ARHGEF26: variants seen among roughly 807,000 people sequenced by gnomAD.
The protein encoded by ARHGEF26 is Rho guanine nucleotide exchange factor 26, also known as Rho guanine nucleotide exchange factor (GEF) 26.
Under a neutral mutation model 89.4 loss-of-function variants are expected in ARHGEF26, and 59 were observed. That is an observed-to-expected ratio of 0.66 (90% confidence interval 0.54 to 0.82). ARHGEF26 has a LOEUF of 0.82. ARHGEF26 is among the 40% of genes least tolerant of loss of function. ARHGEF26 has a pLI of 0.00. For missense variants in ARHGEF26, 1,234 were observed against 1,085.6 expected (o/e 1.14, Z -1.92); for synonymous variants, 500 against 428.4 (o/e 1.17, Z -2.06).
chr3:154,239,261 GGAGAGAGA>G (rs869046214), intron 11 of ARHGEF26, among the ~76,000 whole-genome samples: 8 of 105,664 alleles, frequency 7.6e-5, no homozygotes, highest in Non-Finnish European at 1.5e-4. Context: ...AGAGAGAGAG[GGAGAGAGA>G]GAGAGAGAGA....
At position 154,121,989 on chromosome 3, in the gene ARHGEF26, G is replaced by A. The variant is rs1717957125; in HGVS notation, c.-4G>A. 1.3e-6 allele frequency: 2 copies of A among 1,583,800 alleles called. No individual in the cohort carries two copies. Among genetic ancestry groups the A allele is most frequent in the African/African-American group, 1.3e-5 (1 of 74,166 alleles). On this transcript the variant is annotated 5_prime_UTR_variant, in exon 2 of 15. Coordinates refer to ENST00000465093, the MANE Select transcript of ARHGEF26 (RefSeq NM_015595.4). The stretch of plus-strand genomic sequence containing the variant: ...CCTCCCGGCGCTGACTTCGAGGCCC[G>A]GCTATGGACGGCGAGAGCGAGGTGG...
intron 6 of ARHGEF26, among the ~76,000 whole-genome samples, chr3:154,183,977 C>CTTTTTTTTTTTTTTTT (rs548153454): frequency 7.1e-6 from 1 of 140,318 alleles, no homozygotes; most frequent in Non-Finnish European, 1.5e-5. Flanking sequence ...AATTTTCTTT[C>CTTTTTTTTTTTTTTTT]TTTTTTTTTT....
At chr3:154,238,921 G>T (rs542946872) in intron 11 of ARHGEF26, among the ~76,000 whole-genome samples, 1 of 152,124 alleles carries the variant, frequency 6.6e-6, no homozygotes, top group Non-Finnish European at 1.5e-5. Flanking sequence ...GGGAATTAAG[G>T]GGGGGAGGCG....
chr3:154,159,140 G>T (rs1727948), intron 6 of ARHGEF26, among the ~76,000 whole-genome samples: 138,182 of 152,090 alleles, frequency 0.91, 62,994 homozygotes, highest in East Asian at 1. Context: ...TAAAAAGATG[G>T]GTTTTTACTC....
At chr3:154,194,179 AATG>A (rs1714139973) in intron 8 of ARHGEF26, among the ~76,000 whole-genome samples, 1 of 152,186 alleles carries the variant, frequency 6.6e-6, no homozygotes, top group African/African-American at 2.4e-5. Flanking sequence ...CTCTAATAAT[AATG>A]ATTATAATGG....
chr3:154,129,486 A>C (rs1718543661), intron 3 of ARHGEF26, 88 bp from the exon 4 acceptor site: 3 of 1,407,180 alleles, frequency 2.1e-6, no homozygotes, highest in Middle Eastern at 1.9e-4. Flanking sequence ...ATTGGAGGCC[A>C]AACATTGGGT....
chr3:154,157,852 A>G (rs1559867914), intron 6 of ARHGEF26, among the ~76,000 whole-genome samples: 1 of 152,142 alleles, frequency 6.6e-6, no homozygotes, highest in African/African-American at 2.4e-5. Flanking sequence ...TAAGGTATTT[A>G]GTTAAAAAGA....
intron 9 of ARHGEF26, among the ~76,000 whole-genome samples, chr3:154,201,238 G>A (rs922971108): frequency 2.0e-5 from 3 of 148,054 alleles, no homozygotes; most frequent in African/African-American, 7.5e-5. Context: ...CCACCTAAGA[G>A]TGAGAACATG....
At chr3:154,126,191 C>T (rs572110959) in intron 3 of ARHGEF26, among the ~76,000 whole-genome samples, 12 of 152,278 alleles carry the variant, frequency 7.9e-5, no homozygotes, top group Admixed American at 5.9e-4. Flanking sequence ...CTTGAATAGA[C>T]TCCAGTGTTA....
chr3:154,145,600 TC>T (rs1345667904), intron 4 of ARHGEF26, among the ~76,000 whole-genome samples: 9 of 152,154 alleles, frequency 5.9e-5, no homozygotes, highest in Non-Finnish European at 4.4e-5. Flanking sequence ...CCATCTGTTT[TC>T]CCTAGTGGTG....
At chr3:154,247,692 C>G (rs1197340534) in intron 12 of ARHGEF26, among the ~76,000 whole-genome samples, 1 of 152,248 alleles carries the variant, frequency 6.6e-6, no homozygotes, top group South Asian at 2.1e-4. Context: ...TATTTACTGC[C>G]CTTTTTGTTA....
chr3:154,242,754 G>A (rs1396223549), intron 12 of ARHGEF26, among the ~76,000 whole-genome samples: 1 of 152,080 alleles, frequency 6.6e-6, no homozygotes, highest in African/African-American at 2.4e-5. Flanking sequence ...AAACTTCACT[G>A]TGGTCTTAAG....
At position 154,190,184 on chromosome 3, in the gene ARHGEF26, G is replaced by A. The variant is rs562409806; in HGVS notation, c.1641-1105G>A. Among the ~76,000 whole-genome samples, 23 of 152,144 alleles carry A rather than the reference G, an allele frequency of 1.5e-4. No individual in the cohort carries two copies. The South Asian group carries it at 4.6e-3, about 30-fold the overall frequency. The stretch of plus-strand genomic sequence containing the variant: ...GAAGTGAGGTAAGAGAGTGAGAAAT[G>A]GGGGGACAAGAGTGTCAGATTTAAC... On this transcript the variant is annotated intron_variant, in intron 7 of 14. Transcript: ENST00000465093.
At chr3:154,125,811 G>A (rs997650872) in intron 3 of ARHGEF26, among the ~76,000 whole-genome samples, 7 of 151,894 alleles carry the variant, frequency 4.6e-5, no homozygotes, top group African/African-American at 1.7e-4. Flanking sequence ...ATGTACATGA[G>A]GAATGCAGGA....
intron 13 of ARHGEF26, among the ~76,000 whole-genome samples, chr3:154,254,311 T>C (rs1241593629): frequency 6.6e-6 from 1 of 152,142 alleles, no homozygotes; most frequent in Non-Finnish European, 1.5e-5. Flanking sequence ...TTTCATGTGC[T>C]GCTGTTGGGA....
chr3:154,132,124 A>T (rs972142540), intron 4 of ARHGEF26, among the ~76,000 whole-genome samples: 7 of 152,258 alleles, frequency 4.6e-5, no homozygotes, highest in African/African-American at 1.7e-4. Context: ...AGCATTACTT[A>T]GGCACCAGCC....
intron 6 of ARHGEF26, among the ~76,000 whole-genome samples, chr3:154,183,963 T>C (rs923939655): frequency 1.3e-5 from 2 of 149,526 alleles, no homozygotes; most frequent in African/African-American, 4.9e-5. Flanking sequence ...TTTCTTCTTT[T>C]TTCAATTTTC....
In ARHGEF26 at chr3:154,256,689, A is replaced by G. The variant is rs1718533959; in HGVS notation, c.*1216A>G. On this transcript the variant is annotated 3_prime_UTR_variant, in exon 15 of 15. Transcript: ENST00000465093. ...ATAGAAATTAGCTGGAACACACTAC[A>G]GTAATCTCAAGGAAGGGAAAATTAG... is the stretch of plus-strand genomic sequence containing the variant. 3.0e-6 allele frequency: 4 copies of G among 1,315,066 alleles called. No homozygotes were observed. Among genetic ancestry groups the G allele is most frequent in the Non-Finnish European group, 3.9e-6 (4 of 1,037,454 alleles). The allele number at this position is 1,315,066 out of a possible 1,614,324, so 81.5% of individuals were successfully genotyped here.
chr3:154,251,924 A>G (rs1718180135), intron 12 of ARHGEF26, among the ~76,000 whole-genome samples: 1 of 152,208 alleles, frequency 6.6e-6, no homozygotes, highest in African/African-American at 2.4e-5. Flanking sequence ...GCTTATGATT[A>G]ACTCAGTTTA....
Sources: allele counts gnomAD v4.1 joint callset (sites outside exome capture counted in the v4.1 genomes callset), GRCh38; gene constraint gnomAD v4.1.1; transcripts MANE v1.5; gene names NCBI Gene and HGNC (gene_info 2026-07-23, HGNC 2026-07-21).